The following TACR3 variants were observed in gnomAD, a reference collection of about 807,000 sequenced individuals.
TACR3 encodes neuromedin-K receptor.
In TACR3, 34 loss-of-function variants were observed where a neutral mutation model predicts 35.0. The ratio of observed to expected loss-of-function variants is 0.97; its 90% CI spans 0.74 to 1.30. The LOEUF is 1.30. TACR3 is among the 50% of genes most tolerant of loss of function. The probability of loss-of-function intolerance (pLI) is 0.00; values close to 1 mark genes in which losing one functional copy is unlikely to be tolerated. For synonymous variants in TACR3, 233 were observed against 221.1 expected, an observed-to-expected ratio of 1.05 and a Z score of -0.48; for missense variants, 558 against 591.7, an observed-to-expected ratio of 0.94 and a Z score of 0.59.
rs1234973928 is a variant in TACR3 at position 103,589,083 on chromosome 4, A to G, written c.*599T>C. 1 of 152,212 alleles carries G rather than the reference A, an allele frequency of 6.6e-6. No homozygotes were observed. The highest frequency in any genetic ancestry group is 1.5e-5 in the Non-Finnish European group (1 of 68,054). 9.4% of individuals were successfully genotyped at this position (152,212 alleles called of 1,614,324 possible). A position where few individuals can be genotyped will look rare whatever the true frequency, so the allele number is the denominator to read the frequency against. Reference sequence around the variant, plus strand: ...AATGATTTAACTAGATTTCCTTTTCAGTTAAATGCCATGGAAGAAATCTTT... The same window carrying G: ...AATGATTTAACTAGATTTCCTTTTCGGTTAAATGCCATGGAAGAAATCTTT... On this transcript the variant is annotated 3_prime_UTR_variant, in exon 5 of 5. Transcript: ENST00000304883.
At chr4:103,675,599 G>T (rs1017646028) in intron 1 of TACR3, among the ~76,000 whole-genome samples, 1 of 152,154 alleles carries the variant, frequency 6.6e-6, no homozygotes, top group Non-Finnish European at 1.5e-5. Flanking sequence ...GGTGTGAAGG[G>T]TGAAAGGATC....
chr4:103,607,494 T>C (rs1440496956), intron 3 of TACR3, among the ~76,000 whole-genome samples: 2 of 151,880 alleles, frequency 1.3e-5, no homozygotes, highest in Non-Finnish European at 2.9e-5. Context: ...AAATATTTTA[T>C]ATTTAAATTA....
intron 3 of TACR3, among the ~76,000 whole-genome samples, chr4:103,622,620 TG>T (rs1426982024): frequency 6.6e-6 from 1 of 152,016 alleles, no homozygotes; most frequent in Non-Finnish European, 1.5e-5. Context: ...TCCCAGCTGC[TG>T]GGGAGGCTGA....
intron 3 of TACR3, among the ~76,000 whole-genome samples, chr4:103,647,547 G>C (rs1725488580): frequency 6.6e-6 from 1 of 151,750 alleles, no homozygotes; most frequent in African/African-American, 2.4e-5. Context: ...GGAGAGCTTT[G>C]GCAAGATTAG....
chr4:103,608,629 A>G (rs964781926), intron 3 of TACR3, among the ~76,000 whole-genome samples: 2 of 152,152 alleles, frequency 1.3e-5, no homozygotes, highest in Non-Finnish European at 2.9e-5. Context: ...GGATCAAAAG[A>G]TAATTTTCTA....
chr4:103,675,755 C>A (rs1350713043), intron 1 of TACR3, among the ~76,000 whole-genome samples: 1 of 152,024 alleles, frequency 6.6e-6, no homozygotes, highest in Non-Finnish European at 1.5e-5. Flanking sequence ...ATCATTTCCT[C>A]CCATTTCCTC....
At chr4:103,624,070 C>A (rs1724840548) in intron 3 of TACR3, among the ~76,000 whole-genome samples, 1 of 152,148 alleles carries the variant, frequency 6.6e-6, no homozygotes, top group African/African-American at 2.4e-5. Flanking sequence ...ACTTGATTGT[C>A]TGCCTTTTAA....
intron 3 of TACR3, among the ~76,000 whole-genome samples, chr4:103,596,167 T>G (rs1293786688): frequency 3.4e-5 from 5 of 149,000 alleles, no homozygotes. Flanking sequence ...ACATTTGGGG[T>G]GGTTCCAAGT....
In TACR3 at chr4:103,592,610, T is replaced by G. The variant is rs997573116; in HGVS notation, c.889-927A>C. Reference sequence around the variant, plus strand: ...CAATGAACAATGTTCATATCTCTTTTGGGAATTTGGAAATAGTAAAAAGTT... The same window carrying G: ...CAATGAACAATGTTCATATCTCTTTGGGGAATTTGGAAATAGTAAAAAGTT... On this transcript the variant is annotated intron_variant, in intron 3 of 4. Transcript: ENST00000304883. Among the ~76,000 whole-genome samples the G allele has an allele frequency of 6.4e-4, 98 of 152,294 alleles. 1 individual carries two copies. Among genetic ancestry groups the G allele is most frequent in the Non-Finnish European group, 1.2e-3 (81 of 68,024 alleles).
chr4:103,689,856 A>G (rs1378725281), intron 1 of TACR3, among the ~76,000 whole-genome samples: 2 of 152,298 alleles, frequency 1.3e-5, no homozygotes, highest in South Asian at 2.1e-4. Context: ...ACAAACTGAA[A>G]TTATGATAAA....
At chr4:103,698,959 TAAAC>T (rs941372430) in intron 1 of TACR3, among the ~76,000 whole-genome samples, 4 of 152,088 alleles carry the variant, frequency 2.6e-5, no homozygotes, top group Admixed American at 6.6e-5. Context: ...AAATTAAAAA[TAAAC>T]AAAAACACTT....
At chr4:103,625,758 T>C (rs1190263883) in intron 3 of TACR3, among the ~76,000 whole-genome samples, 1 of 152,228 alleles carries the variant, frequency 6.6e-6, no homozygotes, top group Non-Finnish European at 1.5e-5. Context: ...TGTTATCTGC[T>C]GAACTATGTC....
chr4:103,606,205 C>A (rs1407743146), intron 3 of TACR3, among the ~76,000 whole-genome samples: 1 of 151,676 alleles, frequency 6.6e-6, no homozygotes, highest in Non-Finnish European at 1.5e-5. Flanking sequence ...GGTACCAGTA[C>A]CATGCTGTTT....
At chr4:103,691,765 C>T (rs1223480874) in intron 1 of TACR3, among the ~76,000 whole-genome samples, 2 of 152,174 alleles carry the variant, frequency 1.3e-5, no homozygotes, top group Non-Finnish European at 2.9e-5. Flanking sequence ...ATTCTTAAGC[C>T]ACAAACAATA....
chr4:103,704,105 CAAAAAAAAAAAA>C (rs59034473), intron 1 of TACR3, among the ~76,000 whole-genome samples: 5 of 64,612 alleles, frequency 7.7e-5, no homozygotes, highest in Admixed American at 2.8e-4. Flanking sequence ...CTCTATCTCA[CAAAAAAAAAAAA>C]AAAAAAAAAA....
intron 3 of TACR3, among the ~76,000 whole-genome samples, chr4:103,601,246 T>C (rs11937528): frequency 0.016 from 2,482 of 152,108 alleles, 55 homozygotes; most frequent in African/African-American, 0.057. Flanking sequence ...CTTGGTAGAT[T>C]TTCCTCCATC....
chr4:103,674,840 G>C (rs1184115670), intron 1 of TACR3, among the ~76,000 whole-genome samples: 1 of 152,148 alleles, frequency 6.6e-6, no homozygotes, highest in African/African-American at 2.4e-5. Flanking sequence ...GTGAGCCACC[G>C]CGCCCGGCCT....
intron 1 of TACR3, among the ~76,000 whole-genome samples, chr4:103,667,406 TTAG>T (rs1288282495): frequency 6.6e-6 from 1 of 152,164 alleles, no homozygotes; most frequent in Non-Finnish European, 1.5e-5. Flanking sequence ...GATCTAGTGT[TTAG>T]TATCACAACA....
At chr4:103,632,885 G>A (rs1725098711) in intron 3 of TACR3, among the ~76,000 whole-genome samples, 1 of 151,936 alleles carries the variant, frequency 6.6e-6, no homozygotes, top group Non-Finnish European at 1.5e-5. Context: ...AAGGGGGCAA[G>A]ATAACTCTAA....
Sources: gnomAD v4.1 joint callset for allele counts (sites outside exome capture counted in the v4.1 genomes callset) on GRCh38, gnomAD v4.1.1 for gene constraint, MANE v1.5 for transcripts, NCBI Gene and HGNC (gene_info 2026-07-23, HGNC 2026-07-21) for gene names.